Variants in FGGY observed in about 807,000 individuals in gnomAD.
FGGY encodes the protein FGGY carbohydrate kinase domain containing.
A neutral mutation model predicts 71.3 loss-of-function variants in FGGY; 72 were observed. The observed-to-expected ratio is 1.01, with a 90% CI of 0.84 to 1.23. The LOEUF is 1.23. Ranked by LOEUF, FGGY falls within the 50% of genes most tolerant of loss-of-function variation. The probability of loss-of-function intolerance (pLI) is 0.00; values close to 1 mark genes in which losing one functional copy is unlikely to be tolerated. For synonymous variants in FGGY, 251 were observed against 250.3 expected (o/e 1.00, Z -0.02); for missense variants, 668 against 682.3 (o/e 0.98, Z 0.23).
intron 1 of FGGY, among the ~76,000 whole-genome samples, chr1:59,299,865 C>T (rs190350795): frequency 1.3e-5 from 2 of 151,778 alleles, no homozygotes; most frequent in African/African-American, 2.4e-5. Flanking sequence ...AGCAGGAAAT[C>T]GGAATGAGTC....
rs1248041512 is a variant in FGGY, at chr1:59,650,908, A to T, written c.1222-9311A>T. On this transcript the variant is annotated intron_variant, in intron 11 of 15. Transcript: ENST00000303721. ...CATTTAGTGCTATAAATTTCCCTCTACACACTGCTTTGAATGTGTCCCAGA... is the reference window on the plus strand; with the variant it reads ...CATTTAGTGCTATAAATTTCCCTCTTCACACTGCTTTGAATGTGTCCCAGA... Among the ~76,000 whole-genome samples, 23 of 150,392 alleles carry T rather than the reference A, an allele frequency of 1.5e-4. No homozygotes were observed. The East Asian group carries it at 3.1e-3, about 20-fold the overall frequency.
intron 5 of FGGY, chr1:59,393,383 A>G (rs1019034573): frequency 7.9e-5 from 12 of 152,162 alleles, no homozygotes; most frequent in African/African-American, 2.7e-4. Flanking sequence ...CCAACCGTGA[A>G]GTCATTTTGA....
rs1170203756 is a variant in FGGY, at chr1:59,586,120, G to C, written c.904-21683G>C. Among the ~76,000 whole-genome samples the C allele has an allele frequency of 8.5e-5, 13 of 152,256 alleles. No homozygotes were observed. The East Asian group carries it at 1.9e-3, about 23-fold the overall frequency. ...AGTGTGGCGATTCCTCAGGGATCTAGAACTAGAAATACCATTTGACCCAGC... is the reference window on the plus strand; with the variant it reads ...AGTGTGGCGATTCCTCAGGGATCTACAACTAGAAATACCATTTGACCCAGC... On this transcript the variant is annotated intron_variant, in intron 8 of 15. Coordinates refer to ENST00000303721, the MANE Select transcript of FGGY (RefSeq NM_018291.5).
intron 5 of FGGY, among the ~76,000 whole-genome samples, chr1:59,384,712 T>A (rs1177665571): frequency 6.6e-6 from 1 of 152,126 alleles, no homozygotes; most frequent in East Asian, 1.9e-4. Flanking sequence ...ATTATTTACC[T>A]CCCTGAGCCT....
At chr1:59,310,226 CTG>C (rs1295884471) in intron 1 of FGGY, 1 of 152,196 alleles carries the variant, frequency 6.6e-6, no homozygotes, top group Non-Finnish European at 1.5e-5. Context: ...CTGGGAAAAA[CTG>C]TGGATTTCGG....
intron 14 of FGGY, among the ~76,000 whole-genome samples, chr1:59,709,466 TCACA>T (rs111353878): frequency 3.6e-4 from 51 of 142,770 alleles, no homozygotes; most frequent in South Asian, 6.9e-4. Context: ...TGAAACTATA[TCACA>T]CACACACACA....
intron 11 of FGGY, among the ~76,000 whole-genome samples, chr1:59,648,407 C>T (rs2097121395): frequency 7.6e-6 from 1 of 132,280 alleles, no homozygotes; most frequent in Non-Finnish European, 1.6e-5. Context: ...CTCTCCAGCA[C>T]CTGTTGTTTC....
intron 8 of FGGY, among the ~76,000 whole-genome samples, chr1:59,583,877 C>G (rs543416934): frequency 7.3e-6 from 1 of 137,428 alleles, no homozygotes; most frequent in Non-Finnish European, 1.6e-5. Context: ...GAGAGATGAC[C>G]GTGCAGGGTG....
At chr1:59,653,490 T>C (rs1310633921) in intron 11 of FGGY, among the ~76,000 whole-genome samples, 1 of 152,160 alleles carries the variant, frequency 6.6e-6, no homozygotes, top group Non-Finnish European at 1.5e-5. Context: ...AAAAGCGCAA[T>C]ATTCGGGTGG....
At chr1:59,592,426 C>G (rs1459119132) in intron 8 of FGGY, among the ~76,000 whole-genome samples, 1 of 152,138 alleles carries the variant, frequency 6.6e-6, no homozygotes, top group East Asian at 1.9e-4. Context: ...CCAGCCATCC[C>G]ATTACTGGGT....
rs184180505 is a variant in FGGY, at chr1:59,520,864, C to T, written c.799+8425C>T. On this transcript the variant is annotated intron_variant, in intron 7 of 15. Coordinates refer to ENST00000303721, the MANE Select transcript of FGGY (RefSeq NM_018291.5). ...GAGTTGGCACTGAGGACACTGGGGT[C>T]AGAAGCAGTATTGATGTGTTTCTGC... Among the ~76,000 whole-genome samples the T allele has an allele frequency of 2.2e-4, 33 of 152,196 alleles. No homozygotes were observed. In the East Asian group the frequency reaches 6.4e-3, roughly 30 times the overall value.
intron 6 of FGGY, among the ~76,000 whole-genome samples, chr1:59,490,543 T>C (rs1419512686): frequency 6.6e-6 from 1 of 152,188 alleles, no homozygotes; most frequent in East Asian, 1.9e-4. Flanking sequence ...TTTTAAAAAT[T>C]TTTTCTTTTG....
chr1:59,513,418 T>C (rs776817837), intron 7 of FGGY, among the ~76,000 whole-genome samples: 1 of 152,238 alleles, frequency 6.6e-6, no homozygotes, highest in Non-Finnish European at 1.5e-5. Context: ...CTCTGTGACT[T>C]GGCACACATG....
intron 7 of FGGY, among the ~76,000 whole-genome samples, chr1:59,513,999 T>C (rs2094578837): frequency 6.6e-6 from 1 of 152,240 alleles, no homozygotes; most frequent in South Asian, 2.1e-4. Context: ...GGTTGAATGC[T>C]ATGTAACGTA....
intron 10 of FGGY, among the ~76,000 whole-genome samples, chr1:59,635,907 A>G (rs2096954122): frequency 6.6e-6 from 1 of 152,158 alleles, no homozygotes; most frequent in Non-Finnish European, 1.5e-5. Flanking sequence ...AATCACAAGG[A>G]GAAGGGTTTA....
intron 14 of FGGY, chr1:59,733,269 C>T (rs1229258831): frequency 6.5e-6 from 1 of 153,832 alleles, no homozygotes; most frequent in Non-Finnish European, 1.5e-5. Context: ...TTCCAAAGGG[C>T]TCATGTCTTC....
chr1:59,499,594 T>C (rs964961995), intron 6 of FGGY, among the ~76,000 whole-genome samples: 2 of 152,114 alleles, frequency 1.3e-5, no homozygotes, highest in African/African-American at 4.8e-5. Flanking sequence ...TAGAGTGCTA[T>C]AGAGGATTTC....
chr1:59,701,917 T>C (rs1443958103), intron 14 of FGGY, among the ~76,000 whole-genome samples: 1 of 152,090 alleles, frequency 6.6e-6, no homozygotes, highest in Admixed American at 6.6e-5. Flanking sequence ...GCTCATGAAA[T>C]GGAGATTGTA....
At chr1:59,558,469 C>T (rs1039686134) in intron 8 of FGGY, among the ~76,000 whole-genome samples, 5 of 152,018 alleles carry the variant, frequency 3.3e-5, no homozygotes, top group African/African-American at 1.2e-4. Context: ...AGCCTTAAAT[C>T]CAGCAAGTTT....
Sources: allele counts gnomAD v4.1 joint callset (sites outside exome capture counted in the v4.1 genomes callset), GRCh38; gene constraint gnomAD v4.1.1; transcripts MANE v1.5; gene names NCBI Gene and HGNC (gene_info 2026-07-23, HGNC 2026-07-21).